The following BRCA2 variants were observed in gnomAD, a reference collection of about 807,000 sequenced individuals.
BRCA2 encodes the protein breast cancer type 2 susceptibility protein.
Under a neutral mutation model 276.7 loss-of-function variants are expected in BRCA2, and 203 were observed. The ratio of observed to expected loss-of-function variants is 0.73; its 90% CI spans 0.65 to 0.82. The LOEUF is 0.82. Ranked by LOEUF, BRCA2 falls within the 40% of genes least tolerant of loss-of-function variation. The pLI, the probability that BRCA2 is intolerant of heterozygous loss-of-function variation, is 0.00. For synonymous variants in BRCA2, 1,289 were observed against 1,338.4 expected, an observed-to-expected ratio of 0.96 and a Z score of 0.81; for missense variants, 3,920 against 3,915.0, an observed-to-expected ratio of 1.00 and a Z score of -0.03.
At chr13:32,386,582 G>A (rs1317361632) in intron 24 of BRCA2, among the ~76,000 whole-genome samples, 1 of 93,418 alleles carries the variant, frequency 1.1e-5, no homozygotes, top group Non-Finnish European at 2.4e-5. Context: ...CCATTTGTAT[G>A]AAGCAGAAAA....
In BRCA2 at chr13:32,329,430, T is replaced by G. The variant is rs775947267; in HGVS notation, c.632-13T>G. On this transcript the variant is annotated splice_polypyrimidine_tract_variant and intron_variant, in intron 7 of 26. Coordinates refer to ENST00000380152, the MANE Select transcript of BRCA2 (RefSeq NM_000059.4). The stretch of plus-strand genomic sequence containing the variant: ...GTGATAATATACAATACACATAAAT[T>G]TTTATCTTACAGTCAGAAATGAAGA... 4 of 1,582,032 alleles carry G rather than the reference T, an allele frequency of 2.5e-6. No individual in the cohort carries two copies. Among genetic ancestry groups the G allele is most frequent in the Non-Finnish European group, 3.5e-6 (4 of 1,153,962 alleles).
intron 9 of BRCA2, 35 bp from the exon 10 acceptor site, chr13:32,332,237 A>G: frequency 9.8e-6 from 15 of 1,535,546 alleles, no homozygotes; most frequent in Non-Finnish European, 1.3e-5. Flanking sequence ...ATGGCTTATA[A>G]AATATTAATG....
rs750680907 is a variant in BRCA2, at chr13:32,370,392, A to C, written c.8332-10A>C. 1 of 1,610,450 alleles carries C rather than the reference A, an allele frequency of 6.2e-7. No individual in the cohort carries two copies. The highest frequency in any genetic ancestry group is 1.1e-5 in the South Asian group (1 of 90,962). ...AACTACTAAATCAATATATTTATTA[A>C]TTTGTCCAGATTTCTGCTAACAGTA... On this transcript the variant is annotated splice_polypyrimidine_tract_variant and intron_variant, in intron 18 of 26. Coordinates refer to ENST00000380152, the MANE Select transcript of BRCA2 (RefSeq NM_000059.4).
chr13:32,393,253 C>T (rs1027238582), intron 24 of BRCA2, among the ~76,000 whole-genome samples: 25 of 152,164 alleles, frequency 1.6e-4, no homozygotes, highest in Non-Finnish European at 3.5e-4. Flanking sequence ...TAGCATTCAT[C>T]AGTTGATTTT....
At position 32,338,259 on chromosome 13, in the gene BRCA2, A is replaced by G. The variant is rs543339423; in HGVS notation, c.3904A>G (p.Thr1302Ala). Reference protein sequence around the residue: ...LILQNNIEMTTGTFVEEITEN... With the variant: ...LILQNNIEMTAGTFVEEITEN... ...ATTACAAAATAATATTGAAATGACT[A>G]CTGGCACTTTTGTTGAAGAAATTAC... is the stretch of plus-strand genomic sequence containing the variant. The change falls in exon 11 of 27, where the codon ACT becomes GCT. Residue 1302 changes from threonine to alanine, a missense_variant. Physicochemically the swap from Thr to Ala is moderately conservative, Grantham distance 58. Around this residue, in one of 2 missense-constraint regions of BRCA2, gnomAD observed 3,263 missense variants for 3,156.9 expected, o/e 1.03. Transcript: ENST00000380152. 1.9e-6 allele frequency: 3 copies of G among 1,560,942 alleles called. No individual in the cohort carries two copies. The highest frequency in any genetic ancestry group is 1.2e-5 in the South Asian group (1 of 82,452).
rs55847618 is a variant in BRCA2 at position 32,398,283 on chromosome 13, A to G, written c.9770A>G (p.Lys3257Arg). The G allele has an allele frequency of 4.0e-5, 64 of 1,614,182 alleles. No homozygotes were observed. In the African/African-American group the frequency reaches 7.7e-4, roughly 19 times the overall value. ...QMTSKSCKGE[K>R]EIDDQKNCKK... ...ACTTCAAAGTCTTGTAAAGGGGAGA[A>G]AGAGATTGATGACCAAAAGAACTGC... The change falls in exon 27 of 27, where the codon AAA (lysine) becomes AGA (arginine). Residue 3257 changes from lysine (K) to arginine (R), a missense_variant. By Grantham distance (26) the Lys-to-Arg change is conservative. This residue lies in a region of BRCA2 where 657 missense variants were observed against 758.2 expected (regional missense o/e 0.87). Transcript: ENST00000380152.
intron 13 of BRCA2, 52 bp downstream of exon 13, chr13:32,346,948 C>A (rs1206080852): frequency 7.2e-7 from 1 of 1,381,182 alleles, no homozygotes; most frequent in Non-Finnish European, 1.0e-6. Context: ...AGAAAAGTCT[C>A]GTTTTTATAA....
intron 20 of BRCA2, among the ~76,000 whole-genome samples, chr13:32,374,433 A>C (rs1486207571): frequency 6.6e-6 from 1 of 152,240 alleles, no homozygotes; most frequent in Non-Finnish European, 1.5e-5. Context: ...ATTTCAAACC[A>C]TCTCTTTGTG....
At chr13:32,363,109 G>A (rs943718983) in intron 17 of BRCA2, 70 bp from the exon 18 acceptor site, 11 of 1,314,142 alleles carry the variant, frequency 8.4e-6, no homozygotes, top group Admixed American at 5.4e-5. Flanking sequence ...CAGTTATTCA[G>A]TGACTTGTTT....
chr13:32,369,627 G>T (rs1307535074), intron 18 of BRCA2, among the ~76,000 whole-genome samples: 3 of 152,148 alleles, frequency 2.0e-5, no homozygotes, highest in Non-Finnish European at 2.9e-5. Context: ...AGGCTGGAGT[G>T]CAGTGGCACA....
In BRCA2 at chr13:32,336,936, C is replaced by A. The variant is rs773356478; in HGVS notation, c.2581C>A (p.Gln861Lys). The change falls in exon 11 of 27, where the codon CAA (glutamine) becomes AAA (lysine). Residue 861 changes from glutamine (Q) to lysine (K), a missense_variant. This residue lies in a region of BRCA2 where 3,263 missense variants were observed against 3,156.9 expected (regional missense o/e 1.03). Coordinates refer to ENST00000380152, the MANE Select transcript of BRCA2 (RefSeq NM_000059.4). The stretch of plus-strand genomic sequence containing the variant: ...CCAAAACACAAATCTAAGAGTAATC[C>A]AAAAAAATCAAGAAGAAACTACTTC... ...FNQNTNLRVIQKNQEETTSIS... is the reference protein window; with the variant it reads ...FNQNTNLRVIKKNQEETTSIS... 4 of 1,590,856 alleles carry A rather than the reference C, an allele frequency of 2.5e-6. No homozygotes were observed. In the South Asian group the frequency reaches 4.7e-5, roughly 19 times the overall value.
chr13:32,339,691 T>C lies in BRCA2; in HGVS notation c.5336T>C (p.Val1779Ala), dbSNP rs2072526947. The C allele has an allele frequency of 6.2e-7, 1 of 1,612,790 alleles. No individual in the cohort carries two copies. Among genetic ancestry groups the C allele is most frequent in the Non-Finnish European group, 8.5e-7 (1 of 1,178,966 alleles). The change falls in exon 11 of 27, where the codon GTT becomes GCT. Residue 1779 changes from valine (V) to alanine (A), a missense_variant. Coordinates refer to ENST00000380152, the MANE Select transcript of BRCA2 (RefSeq NM_000059.4). The stretch of plus-strand genomic sequence containing the variant: ...GGTATTGAGCCAGTATTGAAGAATG[T>C]TGAAGATCAAAAAAACACTAGTTTT... The part of the protein sequence containing the change: ...DSGIEPVLKN[V>A]EDQKNTSFSK...
chr13:32,319,822 CCTTTT>C (rs1473469895), intron 3 of BRCA2, among the ~76,000 whole-genome samples: 1 of 152,032 alleles, frequency 6.6e-6, no homozygotes, highest in East Asian at 1.9e-4. Flanking sequence ...ATGAACTTTC[CCTTTT>C]CTTCAGAGTG....
rs549269828 is a variant in BRCA2, at chr13:32,330,991, G to A, written c.754G>A (p.Asp252Asn). Reference sequence around the variant, plus strand: ...TGATAGATTTATCGCTTCTGTGACAGACAGTGAAAACACAAATCAAAGAGA... The same window carrying A: ...TGATAGATTTATCGCTTCTGTGACAAACAGTGAAAACACAAATCAAAGAGA... ...KNDRFIASVT[D>N]SENTNQREAA... The change falls in exon 9 of 27, where the codon GAC (aspartate) becomes AAC (asparagine). Residue 252 changes from aspartate (D) to asparagine (N), a missense_variant. By Grantham distance (23) the Asp-to-Asn change is conservative. Coordinates refer to ENST00000380152, the MANE Select transcript of BRCA2 (RefSeq NM_000059.4). 4.3e-6 allele frequency: 7 copies of A among 1,613,472 alleles called. No homozygotes were observed. The highest frequency in any genetic ancestry group is 3.4e-6 in the Non-Finnish European group (4 of 1,179,528).
At chr13:32,385,193 A>G (rs753233944) in intron 24 of BRCA2, 7 of 201,456 alleles carry the variant, frequency 3.5e-5, no homozygotes, top group South Asian at 2.8e-4. Context: ...CCTGAACTCA[A>G]CACTGGGTAT....
At position 32,396,987 on chromosome 13, in the gene BRCA2, C is replaced by G. The variant is rs2137659374; in HGVS notation, c.9591C>G (p.Asp3197Glu). Reference protein sequence around the residue: ...NDPKWSTPTKDCTSGPYTAQI... With the variant: ...NDPKWSTPTKECTSGPYTAQI... ...CCAAGTGGTCCACCCCAACTAAAGACTGTACTTCAGGGCCGTACACTGCTC... is the reference window on the plus strand; with the variant it reads ...CCAAGTGGTCCACCCCAACTAAAGAGTGTACTTCAGGGCCGTACACTGCTC... The change falls in exon 26 of 27, where the codon GAC (aspartate) becomes GAG (glutamate). Residue 3197 changes from aspartate (D) to glutamate (E), a missense_variant. Asp to Glu is a conservative substitution (Grantham distance 45, BLOSUM62 2). This residue lies in a region of BRCA2 where 657 missense variants were observed against 758.2 expected (regional missense o/e 0.87). Coordinates refer to ENST00000380152, the MANE Select transcript of BRCA2 (RefSeq NM_000059.4). The G allele has an allele frequency of 6.2e-7, 1 of 1,614,054 alleles. No individual in the cohort carries two copies. The highest frequency in any genetic ancestry group is 1.1e-5 in the South Asian group (1 of 91,080).
intron 1 of BRCA2, among the ~76,000 whole-genome samples, chr13:32,316,071 T>C (rs772530973): frequency 2.0e-5 from 3 of 152,248 alleles, no homozygotes; most frequent in Non-Finnish European, 4.4e-5. Context: ...TGGTAATTGC[T>C]GTATTCCGAA....
rs780819072 is a variant in BRCA2, at chr13:32,315,536, G to C, written c.-171G>C. 2.0e-5 allele frequency: 3 copies of C among 152,294 alleles called. No homozygotes were observed. The highest frequency in any genetic ancestry group is 4.4e-5 in the Non-Finnish European group (3 of 68,070). The allele number at this position is 152,294 out of a possible 1,614,324, so 9.4% of individuals were successfully genotyped here. On this transcript the variant is annotated 5_prime_UTR_variant, in exon 1 of 27. Transcript: ENST00000380152. ...GGCGGAGCCGCTGTGGCACTGCTGC[G>C]CCTCTGCTGCGCCTCGGGTGTCTTT... is the stretch of plus-strand genomic sequence containing the variant.
At position 32,340,340 on chromosome 13, in the gene BRCA2, C is replaced by T. The variant is rs374620036; in HGVS notation, c.5985C>T (p.Asn1995=). The T allele has an allele frequency of 3.2e-5, 51 of 1,613,970 alleles. No individual in the cohort carries two copies. Among genetic ancestry groups the T allele is most frequent in the Non-Finnish European group, 3.5e-5 (41 of 1,179,922 alleles). The change falls in exon 11 of 27, where the codon AAC becomes AAT. Residue 1995 remains asparagine, a synonymous_variant. Transcript: ENST00000380152. ...AGGTATCAGATGCTTCATTACAAAACGCAAGACAAGTGTTTTCTGAAATAG... is the reference window on the plus strand; with the variant it reads ...AGGTATCAGATGCTTCATTACAAAATGCAAGACAAGTGTTTTCTGAAATAG... The part of the protein sequence containing the change: ...SVQVSDASLQ[N]ARQVFSEIED...
Sources: allele counts gnomAD v4.1 joint callset (sites outside exome capture counted in the v4.1 genomes callset), GRCh38; gene constraint gnomAD v4.1.1; regional missense constraint gnomAD v4.1.1; transcripts MANE v1.5; gene names NCBI Gene and HGNC (gene_info 2026-07-23, HGNC 2026-07-21).